The following SPAG16 variants were observed in gnomAD, a reference collection of about 807,000 sequenced individuals.
SPAG16 encodes sperm associated antigen 16, also known as sperm-associated antigen 16 protein.
A neutral mutation model predicts 80.4 loss-of-function variants in SPAG16; 86 were observed. That is an observed-to-expected ratio of 1.07 (90% CI 0.90 to 1.28). The LOEUF is 1.28. SPAG16 is among the 50% of genes most tolerant of loss of function. The pLI is 0.00. For synonymous variants in SPAG16, 294 were observed against 265.9 expected, an observed-to-expected ratio of 1.11 and a Z score of -1.03; for missense variants, 870 against 765.3, an observed-to-expected ratio of 1.14 and a Z score of -1.61.
At chr2:213,869,534 T>C (rs1189792997) in intron 11 of SPAG16, among the ~76,000 whole-genome samples, 2 of 151,548 alleles carry the variant, frequency 1.3e-5, no homozygotes, top group Non-Finnish European at 2.9e-5. Context: ...AGTAATAATA[T>C]TCAACTTTAT....
intron 9 of SPAG16, among the ~76,000 whole-genome samples, chr2:213,426,931 A>T (rs550837398): frequency 5.3e-5 from 8 of 152,050 alleles, no homozygotes; most frequent in African/African-American, 1.9e-4. Context: ...CTCCATGAAT[A>T]AATAACCAAA....
chr2:214,173,383 G>A lies in SPAG16; in HGVS notation c.1720+24117G>A, dbSNP rs1302826223. 1.1e-4 allele frequency among the ~76,000 whole-genome samples: 16 copies of A among 151,974 alleles called. 1 individual carries two copies. ...CTTTCCCCGTTGCTTGTTTTTGTCA[G>A]GTTTGTCAAAGATCAGATAATTGTA... On this transcript the variant is annotated intron_variant, in intron 15 of 15. Transcript: ENST00000331683.
chr2:213,681,263 A>T (rs1380754632), intron 10 of SPAG16, among the ~76,000 whole-genome samples: 2 of 152,182 alleles, frequency 1.3e-5, no homozygotes, highest in Admixed American at 1.3e-4. Context: ...TTGTCTTGTA[A>T]TGTTATGCCA....
intron 10 of SPAG16, among the ~76,000 whole-genome samples, chr2:213,510,575 A>C (rs1439352432): frequency 6.6e-6 from 1 of 152,184 alleles, no homozygotes; most frequent in African/African-American, 2.4e-5. Context: ...AACTGGAAAC[A>C]ACTTTAACTT....
intron 10 of SPAG16, among the ~76,000 whole-genome samples, chr2:213,794,009 TA>T (rs2070867495): frequency 6.6e-6 from 1 of 152,190 alleles, no homozygotes; most frequent in South Asian, 2.1e-4. Context: ...ATCAAATTCT[TA>T]AATCTTACAT....
chr2:213,810,874 G>A (rs796115018), intron 10 of SPAG16, among the ~76,000 whole-genome samples: 21 of 152,212 alleles, frequency 1.4e-4, no homozygotes, highest in African/African-American at 4.8e-4. Flanking sequence ...TCAAAGTTGT[G>A]GCAATTGTCT....
intron 10 of SPAG16, among the ~76,000 whole-genome samples, chr2:213,809,095 G>A (rs983901516): frequency 2.0e-5 from 3 of 152,160 alleles, no homozygotes; most frequent in Non-Finnish European, 2.9e-5. Flanking sequence ...TTTCATTTTG[G>A]TGAAAGAATA....
intron 11 of SPAG16, among the ~76,000 whole-genome samples, chr2:213,924,733 G>T (rs2078387534): frequency 6.6e-6 from 1 of 151,862 alleles, no homozygotes; most frequent in East Asian, 1.9e-4. Context: ...AAATCATATA[G>T]CTGAATTTGT....
rs570127584 is a variant in SPAG16, at chr2:214,332,333, C to T, written c.1721-77807C>T. On this transcript the variant is annotated intron_variant, in intron 15 of 15. Transcript: ENST00000331683. ...GAAGAATTTTTCTGTATCAGTGACCCAACGTTGGTTTCTTTTAATGGTATG... is the reference window on the plus strand; with the variant it reads ...GAAGAATTTTTCTGTATCAGTGACCTAACGTTGGTTTCTTTTAATGGTATG... Among the ~76,000 whole-genome samples the T allele has an allele frequency of 4.6e-5, 7 of 152,286 alleles. No homozygotes were observed. The East Asian group carries it at 1.4e-3, about 29-fold the overall frequency.
intron 12 of SPAG16, among the ~76,000 whole-genome samples, chr2:213,957,340 A>G (rs2044198429): frequency 6.6e-6 from 1 of 152,114 alleles, no homozygotes; most frequent in Admixed American, 6.6e-5. Flanking sequence ...TCTTCTTGCA[A>G]TATTGAAACT....
chr2:214,041,340 A>C (rs1008591803), intron 13 of SPAG16, among the ~76,000 whole-genome samples: 3 of 152,022 alleles, frequency 2.0e-5, no homozygotes, highest in Admixed American at 6.6e-5. Flanking sequence ...GGATTGTATC[A>C]GCTGAATTGT....
chr2:213,392,170 T>C (rs373388048), intron 9 of SPAG16, among the ~76,000 whole-genome samples: 2 of 152,208 alleles, frequency 1.3e-5, no homozygotes, highest in East Asian at 1.9e-4. Context: ...TACAATGGTA[T>C]ATGCCATTGT....
At chr2:214,131,774 A>G (rs1426520679) in intron 14 of SPAG16, among the ~76,000 whole-genome samples, 3 of 152,218 alleles carry the variant, frequency 2.0e-5, no homozygotes, top group Non-Finnish European at 4.4e-5. Context: ...TAGAAACAGT[A>G]AAAAGATCAG....
chr2:213,285,699 G>A (rs953184092), intron 1 of SPAG16, among the ~76,000 whole-genome samples: 2 of 152,148 alleles, frequency 1.3e-5, no homozygotes, highest in African/African-American at 4.8e-5. Context: ...AAAATATGTA[G>A]TATTTTATTG....
intron 13 of SPAG16, among the ~76,000 whole-genome samples, chr2:214,033,415 G>A (rs947433592): frequency 2.2e-4 from 33 of 152,128 alleles, no homozygotes; most frequent in East Asian, 3.9e-4. Context: ...TTATATTTTC[G>A]AAGAATTACT....
chr2:213,289,094 T>G (rs184494609), intron 1 of SPAG16, among the ~76,000 whole-genome samples: 171 of 152,354 alleles, frequency 1.1e-3, no homozygotes, highest in Middle Eastern at 3.4e-3. Flanking sequence ...TTTAAATAAA[T>G]ATTCTAATTC....
At chr2:214,012,044 T>G (rs1308098821) in intron 12 of SPAG16, among the ~76,000 whole-genome samples, 2 of 151,482 alleles carry the variant, frequency 1.3e-5, no homozygotes, top group Admixed American at 6.6e-5. Context: ...AGAAGAAAAT[T>G]TACGGCCACT....
At chr2:213,984,152 C>G (rs1477709418) in intron 12 of SPAG16, among the ~76,000 whole-genome samples, 1 of 152,024 alleles carries the variant, frequency 6.6e-6, no homozygotes, top group East Asian at 1.9e-4. Context: ...GTTATTATAT[C>G]AAATCCAATT....
intron 9 of SPAG16, among the ~76,000 whole-genome samples, chr2:213,380,676 A>T (rs1270735444): frequency 1.3e-5 from 2 of 152,188 alleles, no homozygotes; most frequent in Non-Finnish European, 2.9e-5. Context: ...ACAGGCCAAG[A>T]GCTGTCTCTC....
Sources: gnomAD v4.1 joint callset for allele counts (sites outside exome capture counted in the v4.1 genomes callset) on GRCh38, gnomAD v4.1.1 for gene constraint, MANE v1.5 for transcripts, NCBI Gene and HGNC (gene_info 2026-07-23, HGNC 2026-07-21) for gene names.